RNF212: variants seen among roughly 807,000 people sequenced by gnomAD.
RNF212 encodes the protein ring finger protein 212.
A neutral mutation model predicts 34.7 loss-of-function variants in RNF212; 33 were observed. The observed-to-expected ratio is 0.95, with a 90% CI of 0.72 to 1.27. RNF212 has a LOEUF of 1.27. Ranked by LOEUF, RNF212 falls within the 50% of genes most tolerant of loss-of-function variation. The pLI is 0.00. For synonymous variants in RNF212, 140 were observed against 136.1 expected (o/e 1.03, Z -0.20); for missense variants, 377 against 362.2 (o/e 1.04, Z -0.33).
chr4:1,073,880 T>C (rs1017038941), intron 8 of RNF212: 13 of 560,530 alleles, frequency 2.3e-5, no homozygotes, highest in Non-Finnish European at 3.2e-5. Context: ...TGATTACCTG[T>C]TTGATTCCCT....
At chr4:1,082,384 G>A (rs1030422825) in intron 5 of RNF212, among the ~76,000 whole-genome samples, 10 of 152,278 alleles carry the variant, frequency 6.6e-5, no homozygotes, top group East Asian at 1.9e-4. Flanking sequence ...CTGGGGGAGC[G>A]TGTCTGTTTC....
At chr4:1,071,198 G>GT (rs1345483096), downstream of RNF212, among the ~76,000 whole-genome samples, 1 of 144,330 alleles carries the variant, frequency 6.9e-6, no homozygotes, top group Admixed American at 7.0e-5. Context: ...AACTAAGTTG[G>GT]TTTTTTAAAT....
intron 3 of RNF212, chr4:1,093,378 C>A: frequency 2.9e-6 from 2 of 690,106 alleles, no homozygotes; most frequent in Non-Finnish European, 4.0e-6. Flanking sequence ...CATATTGTAA[C>A]AAATGCCAAT....
At chr4:1,062,163 G>C (rs1470563841) in intron 3 of RNF212, among the ~76,000 whole-genome samples, 1 of 152,170 alleles carries the variant, frequency 6.6e-6, no homozygotes, top group South Asian at 2.1e-4. Flanking sequence ...ACCAAAAGCA[G>C]ACAGAAACGT....
intron 4 of RNF212, among the ~76,000 whole-genome samples, chr4:1,088,150 C>T (rs1721637615): frequency 6.6e-6 from 1 of 152,192 alleles, no homozygotes; most frequent in Non-Finnish European, 1.5e-5. Context: ...AAGTTTGGAA[C>T]TTCCTAGAGA....
chr4:1,100,983 C>A, intron 2 of RNF212: 1 of 180,612 alleles, frequency 5.5e-6, no homozygotes, highest in South Asian at 1.3e-4. Flanking sequence ...TTAGCTCTTC[C>A]ATATTGTCAG....
downstream of RNF212, among the ~76,000 whole-genome samples, chr4:1,067,586 C>T (rs369299534): frequency 3.3e-5 from 5 of 151,970 alleles, no homozygotes; most frequent in African/African-American, 4.8e-5. Context: ...TACCTAGGGC[C>T]GGGTGCAATG....
At chr4:1,067,418 CA>C (rs1287822437), downstream of RNF212, among the ~76,000 whole-genome samples, 8 of 151,718 alleles carry the variant, frequency 5.3e-5, no homozygotes, top group South Asian at 6.3e-4. Context: ...TATAATAGAT[CA>C]AAAAAAGATC....
intron 3 of RNF212, among the ~76,000 whole-genome samples, chr4:1,092,716 G>A (rs902845643): frequency 6.6e-6 from 1 of 152,258 alleles, no homozygotes; most frequent in East Asian, 1.9e-4. Context: ...CAGAGGCTGC[G>A]CTGGGCCAGG....
In RNF212 at chr4:1,092,101, C is replaced by T. The variant is rs1033982273; in HGVS notation, c.247-1263G>A. ...GCCTGTGTGGGAAGCTTCTCCAAAGCACCCTCAGCAGGAACATTCCACCCT... is the reference window on the plus strand; with the variant it reads ...GCCTGTGTGGGAAGCTTCTCCAAAGTACCCTCAGCAGGAACATTCCACCCT... On this transcript the variant is annotated intron_variant, in intron 3 of 9. Transcript: ENST00000433731. Among the ~76,000 whole-genome samples, 8 of 152,390 alleles carry T rather than the reference C, an allele frequency of 5.2e-5. 1 individual carries two copies. The highest frequency in any genetic ancestry group is 6.5e-5 in the Admixed American group (1 of 15,304).
chr4:1,091,320 C>A (rs1722152774), intron 3 of RNF212, among the ~76,000 whole-genome samples: 1 of 152,182 alleles, frequency 6.6e-6, no homozygotes, highest in Admixed American at 6.5e-5. Flanking sequence ...TTTACAGGAG[C>A]CCCGGGTTCC....
At chr4:1,086,513 G>C (rs1449136479) in intron 4 of RNF212, among the ~76,000 whole-genome samples, 2 of 140,522 alleles carry the variant, frequency 1.4e-5, no homozygotes, top group Non-Finnish European at 3.1e-5. Flanking sequence ...AAGCCTCCAG[G>C]CAGGGTTTTG....
Position 1,081,589 on chromosome 4 carries a change from G to T in RNF212, c.393C>A (p.Ser131Arg). The change falls in exon 6 of 10, where the codon AGC (serine) becomes AGA (arginine). Residue 131 changes from serine to arginine, a missense_variant. Ser to Arg is a moderately radical substitution (Grantham distance 110). Transcript: ENST00000433731. ...SMRSSQQTAF[S>R]TIKSSVSTKP... Reference sequence around the variant, plus strand: ...TACTTGAAACTGAACTTTTTATTGTGCTGAAAGCTGTTTGTTGTGATGATC... The same window carrying T: ...TACTTGAAACTGAACTTTTTATTGTTCTGAAAGCTGTTTGTTGTGATGATC... The T allele has an allele frequency of 6.2e-7, 1 of 1,610,860 alleles. No homozygotes were observed. Among genetic ancestry groups the T allele is most frequent in the African/African-American group, 1.3e-5 (1 of 74,930 alleles).
rs182866979 is a variant in RNF212, at chr4:1,062,045, G to A, written n.148-3652C>T. Among the ~76,000 whole-genome samples, 7 of 152,244 alleles carry A rather than the reference G, an allele frequency of 4.6e-5. No individual in the cohort carries two copies. The East Asian group carries it at 1.4e-3, about 29-fold the overall frequency. On this transcript the variant is annotated intron_variant and non_coding_transcript_variant, in intron 3 of 4. Coordinates refer to the RNF212 transcript ENST00000503206. ...AATTAAAGGAAAATATGATGATAGTGACTCCAGGCACAGGGCTTTCAACAC... is the reference window on the plus strand; with the variant it reads ...AATTAAAGGAAAATATGATGATAGTAACTCCAGGCACAGGGCTTTCAACAC...
rs564635278 is a variant in RNF212 at position 1,108,659 on chromosome 4, A to G, written c.110-255T>C. On this transcript the variant is annotated intron_variant, in intron 1 of 9. Coordinates refer to ENST00000433731, the MANE Select transcript of RNF212 (RefSeq NM_001131034.4). ...ATCAACAACACTTAAGGCTAAGTCT[A>G]TCCCAGGTATTTATTACAATTAGGC... Among the ~76,000 whole-genome samples, 7 of 152,334 alleles carry G rather than the reference A, an allele frequency of 4.6e-5. No individual in the cohort carries two copies. The South Asian group carries it at 1.2e-3, about 27-fold the overall frequency.
upstream of RNF212, chr4:1,113,681 C>T (rs1726195459): frequency 4.3e-6 from 2 of 469,552 alleles, no homozygotes; most frequent in East Asian, 3.9e-5. Flanking sequence ...TCTCCCAGGT[C>T]GTTTGGGCTG....
intron 3 of RNF212, among the ~76,000 whole-genome samples, chr4:1,064,525 G>T (rs1717960649): frequency 6.6e-6 from 1 of 152,170 alleles, no homozygotes; most frequent in African/African-American, 2.4e-5. Flanking sequence ...CAAGATGCTG[G>T]CTGATGGGGG....
intron 3 of RNF212, among the ~76,000 whole-genome samples, chr4:1,092,303 G>A (rs1175378090): frequency 6.6e-6 from 1 of 152,228 alleles, no homozygotes; most frequent in Non-Finnish European, 1.5e-5. Flanking sequence ...GCTGCAGCAA[G>A]GACTGGGCTG....
intron 4 of RNF212, among the ~76,000 whole-genome samples, chr4:1,088,300 A>G (rs1384814287): frequency 6.6e-6 from 1 of 152,208 alleles, no homozygotes; most frequent in African/African-American, 2.4e-5. Context: ...AAGAGACTGG[A>G]GGCATTTTGC....
Sources: gnomAD v4.1 joint callset for allele counts (sites outside exome capture counted in the v4.1 genomes callset) on GRCh38, gnomAD v4.1.1 for gene constraint, MANE v1.5 for transcripts, NCBI Gene and HGNC (gene_info 2026-07-23, HGNC 2026-07-21) for gene names.